The following DCAF5 variants were observed in gnomAD, a reference collection of about 807,000 sequenced individuals.
DCAF5 encodes DDB1- and CUL4-associated factor 5.
A neutral mutation model predicts 80.7 loss-of-function variants in DCAF5; 9 were observed. The ratio of observed to expected loss-of-function variants is 0.11; its 90% CI spans 0.07 to 0.19. The LOEUF (loss-of-function observed/expected upper bound fraction) is 0.19, where lower values mean the gene tolerates loss of function less well. DCAF5 is among the 10% of genes least tolerant of loss of function. The pLI is 1.00. For missense variants in DCAF5, 842 were observed against 1,205.7 expected (o/e 0.70, Z 4.47); for synonymous variants, 433 against 461.9 (o/e 0.94, Z 0.80).
At chr14:69,144,700 T>G (rs571697484) in intron 1 of DCAF5, among the ~76,000 whole-genome samples, 1 of 152,348 alleles carries the variant, frequency 6.6e-6, no homozygotes, top group African/African-American at 2.4e-5. Context: ...AATTTATCAT[T>G]TAAGAGAAGC....
At chr14:69,095,369 C>A (rs542943175) in intron 5 of DCAF5, among the ~76,000 whole-genome samples, 37 of 152,290 alleles carry the variant, frequency 2.4e-4, no homozygotes, top group Non-Finnish European at 3.2e-4. Flanking sequence ...TGAAATACAT[C>A]TACCCCAACC....
chr14:69,126,598 A>G (rs1353403957), intron 1 of DCAF5, among the ~76,000 whole-genome samples: 1 of 152,230 alleles, frequency 6.6e-6, no homozygotes, highest in Admixed American at 6.5e-5. Flanking sequence ...AAAGGCCCAT[A>G]ATAGTCAACA....
chr14:69,105,943 A>ATATCTATCTATCTATCTATC (rs1186456968), intron 5 of DCAF5, among the ~76,000 whole-genome samples: 3 of 74,202 alleles, frequency 4.0e-5, no homozygotes, highest in African/African-American at 1.1e-4. Context: ...ATATATATAT[A>ATATCTATCTATCTATCTATC]TATCTCCTAT....
At chr14:69,112,630 A>ACACACACACAC (rs1566765728) in intron 5 of DCAF5, among the ~76,000 whole-genome samples, 6 of 130,322 alleles carry the variant, frequency 4.6e-5, no homozygotes, top group Non-Finnish European at 9.5e-5. Context: ...CACACACACA[A>ACACACACACAC]ATAACACACA....
intron 5 of DCAF5, among the ~76,000 whole-genome samples, chr14:69,105,941 A>ATT (rs1566759299): frequency 9.8e-6 from 1 of 102,550 alleles, no homozygotes; most frequent in Non-Finnish European, 2.3e-5. Context: ...ATATATATAT[A>ATT]TATATCTCCT....
chr14:69,111,465 T>C (rs2040363288), intron 5 of DCAF5, among the ~76,000 whole-genome samples: 1 of 152,178 alleles, frequency 6.6e-6, no homozygotes, highest in East Asian at 1.9e-4. Flanking sequence ...ACTCTCTTTA[T>C]TATCCTTGTC....
At position 69,126,299 on chromosome 14, in the gene DCAF5, A is replaced by G. The variant is rs151076583; in HGVS notation, c.215-3939T>C. Reference sequence around the variant, plus strand: ...CAGCCTCCTGAGTAGCTGGGATTACAGACACCCACCACCACGCCCAGCTCA... The same window carrying G: ...CAGCCTCCTGAGTAGCTGGGATTACGGACACCCACCACCACGCCCAGCTCA... On this transcript the variant is annotated intron_variant, in intron 1 of 8. Coordinates refer to ENST00000341516, the MANE Select transcript of DCAF5 (RefSeq NM_003861.3). 2.6e-4 allele frequency among the ~76,000 whole-genome samples: 39 copies of G among 151,950 alleles called. No homozygotes were observed. The East Asian group carries it at 7.6e-3, about 29-fold the overall frequency.
chr14:69,075,741 C>T (rs756522426), intron 6 of DCAF5, among the ~76,000 whole-genome samples: 10 of 152,158 alleles, frequency 6.6e-5, no homozygotes, highest in Non-Finnish European at 8.8e-5. Context: ...GCCTTGGCCT[C>T]CCAAAGTGCT....
chr14:69,087,266 C>A (rs186617697), intron 6 of DCAF5, among the ~76,000 whole-genome samples: 237 of 152,248 alleles, frequency 1.6e-3, no homozygotes, highest in Middle Eastern at 3.4e-3. Flanking sequence ...GAGACTCGCT[C>A]ACTGAGTATG....
intron 6 of DCAF5, chr14:69,091,060 C>T (rs1331572489): frequency 2.7e-6 from 2 of 746,362 alleles, no homozygotes; most frequent in Non-Finnish European, 4.9e-6. Context: ...TATTCTTAAA[C>T]TGCCAGCTTT....
chr14:69,116,297 T>A, intron 5 of DCAF5, 69 bp downstream of exon 5: 1 of 1,555,464 alleles, frequency 6.4e-7, no homozygotes, highest in Non-Finnish European at 8.7e-7. Context: ...CAACACTTAC[T>A]GGCTGGTCAC....
In DCAF5 at chr14:69,054,756, G is replaced by A. The variant is rs1041896390; in HGVS notation, c.1930C>T (p.Pro644Ser). Reference protein sequence around the residue: ...ERSTSTLEIQPSRASPTSDIE... With the variant: ...ERSTSTLEIQSSRASPTSDIE... ...TCAGAAGTTGGTGATGCCCGGCTTG[G>A]TTGAATCTCTAGCGTGGAAGTGCTC... The change falls in exon 9 of 9, where the codon CCA becomes TCA. Residue 644 changes from proline (P) to serine (S), a missense_variant. Pro to Ser is a moderately conservative substitution (Grantham distance 74). This residue lies in a region of DCAF5 where 607 missense variants were observed against 656.6 expected (regional missense o/e 0.92). Coordinates refer to ENST00000341516, the MANE Select transcript of DCAF5 (RefSeq NM_003861.3). 5 of 1,614,266 alleles carry A rather than the reference G, an allele frequency of 3.1e-6. No homozygotes were observed. The highest frequency in any genetic ancestry group is 4.2e-6 in the Non-Finnish European group (5 of 1,180,042).
Position 69,152,904 on chromosome 14 carries a change from C to T in DCAF5, c.75G>A (p.Gly25=). The T allele has an allele frequency of 6.2e-7, 1 of 1,613,890 alleles. No individual in the cohort carries two copies. Among genetic ancestry groups the T allele is most frequent in the South Asian group, 1.1e-5 (1 of 91,074 alleles). Residue 25 remains glycine, a synonymous_variant, in exon 1 of 9, where the codon GGG becomes GGA. Transcript: ENST00000341516. This position sits in a 1 kb window ranked among gnomAD's most constrained non-coding sequence, Gnocchi z 4.1. ...VGFLSQRGLH[G]DPLLTQDFQR... ...GAAAGTCCTGAGTGAGCAGGGGGTC[C>T]CCATGCAAGCCCCGCTGGGACAAGA...
At chr14:69,107,154 A>C (rs1345504220) in intron 5 of DCAF5, among the ~76,000 whole-genome samples, 3 of 152,178 alleles carry the variant, frequency 2.0e-5, no homozygotes, top group Non-Finnish European at 4.4e-5. Flanking sequence ...AAGAATATGA[A>C]ATGATACTTG....
chr14:69,090,068 A>C, intron 6 of DCAF5: 1 of 985,414 alleles, frequency 1.0e-6, no homozygotes, highest in African/African-American at 1.7e-5. Flanking sequence ...AATAAAGCCT[A>C]GTAAACTATT....
At chr14:69,103,074 T>C (rs188785422) in intron 5 of DCAF5, among the ~76,000 whole-genome samples, 2 of 152,356 alleles carry the variant, frequency 1.3e-5, no homozygotes, top group Non-Finnish European at 2.9e-5. Flanking sequence ...TTGTCATACA[T>C]GTGGGTCCAT....
chr14:69,113,988 G>A lies in DCAF5; in HGVS notation c.665+2378C>T, dbSNP rs76709626. Among the ~76,000 whole-genome samples the A allele has an allele frequency of 1.5e-3, 222 of 152,226 alleles. 1 individual carries two copies. Among genetic ancestry groups the A allele is most frequent in the African/African-American group, 5.2e-3 (216 of 41,552 alleles). On this transcript the variant is annotated intron_variant, in intron 5 of 8. Transcript: ENST00000341516. ...TTCTCCTATATGGGCTCTGAAAACC[G>A]TAGGTTATCAAAGAAACTATAAAAC...
chr14:69,099,526 T>G (rs2039876601), intron 5 of DCAF5, among the ~76,000 whole-genome samples: 1 of 152,076 alleles, frequency 6.6e-6, no homozygotes, highest in African/African-American at 2.4e-5. Context: ...ACATCTCACA[T>G]GAAGCCATGA....
chr14:69,107,397 G>T (rs1355494088), intron 5 of DCAF5, among the ~76,000 whole-genome samples: 1 of 152,076 alleles, frequency 6.6e-6, no homozygotes. Context: ...AATCACCTTG[G>T]GTATTTGCTA....
Sources: allele counts gnomAD v4.1 joint callset (sites outside exome capture counted in the v4.1 genomes callset), GRCh38; gene constraint gnomAD v4.1.1; regional missense constraint gnomAD v4.1.1; non-coding constraint Gnocchi (gnomAD v3.1); transcripts MANE v1.5; gene names NCBI Gene and HGNC (gene_info 2026-07-23, HGNC 2026-07-21).